Variants in ATP6V1H observed in about 807,000 individuals in gnomAD.
The protein encoded by ATP6V1H is V-type proton ATPase subunit H.
ATP6V1H carries 39 observed loss-of-function variants against 71.7 expected under a neutral mutation model. The ratio of observed to expected loss-of-function variants is 0.54; its 90% CI spans 0.42 to 0.71. The LOEUF is 0.71. Ranked by LOEUF, ATP6V1H falls within the 30% of genes least tolerant of loss-of-function variation. The pLI is 0.00. For synonymous variants in ATP6V1H, 192 were observed against 199.3 expected, an observed-to-expected ratio of 0.96 and a Z score of 0.31; for missense variants, 509 against 594.9, an observed-to-expected ratio of 0.86 and a Z score of 1.50.
At chr8:53,832,823 GAAAA>G in intron 3 of ATP6V1H, 157 bp downstream of exon 3, 1 of 449,508 alleles carries the variant, frequency 2.2e-6, no homozygotes. Context: ...TATATTCTAA[GAAAA>G]TATTCAGAAA....
intron 4 of ATP6V1H, among the ~76,000 whole-genome samples, chr8:53,820,624 G>A (rs1426126058): frequency 1.9e-4 from 29 of 149,568 alleles, no homozygotes; most frequent in African/African-American, 4.2e-4. Context: ...CTATAATGGC[G>A]CCATTGCATT....
At chr8:53,780,639 C>A (rs1232997415) in intron 9 of ATP6V1H, among the ~76,000 whole-genome samples, 1 of 152,022 alleles carries the variant, frequency 6.6e-6, no homozygotes, top group Non-Finnish European at 1.5e-5. Flanking sequence ...GTGCTGCACC[C>A]ATTAACTAGT....
chr8:53,840,085 T>A (rs1489911031), intron 2 of ATP6V1H: 7 of 226,764 alleles, frequency 3.1e-5, no homozygotes, highest in Non-Finnish European at 5.1e-5. Flanking sequence ...ATACCCATCA[T>A]CCTCAAAAAC....
At chr8:53,745,062 T>C (rs754450232) in intron 12 of ATP6V1H, among the ~76,000 whole-genome samples, 17 of 152,252 alleles carry the variant, frequency 1.1e-4, no homozygotes, top group Admixed American at 2.0e-4. Flanking sequence ...ATATGATTTT[T>C]ACTACTTAAA....
intron 11 of ATP6V1H, among the ~76,000 whole-genome samples, chr8:53,765,647 CAG>C (rs1808434342): frequency 6.6e-6 from 1 of 151,952 alleles, no homozygotes; most frequent in Non-Finnish European, 1.5e-5. Flanking sequence ...AACAAATAAA[CAG>C]ATATTCCACG....
rs549951638 is a variant in ATP6V1H, at chr8:53,786,536, C to T, written c.870+9111G>A. On this transcript the variant is annotated intron_variant, in intron 9 of 13. Coordinates refer to ENST00000359530, the MANE Select transcript of ATP6V1H (RefSeq NM_015941.4). Reference sequence around the variant, plus strand: ...TTTGGCTCACGCACTGTGCGCTGCACACACTGTCTGGCACTCCCCAGTGAG... The same window carrying T: ...TTTGGCTCACGCACTGTGCGCTGCATACACTGTCTGGCACTCCCCAGTGAG... 2.2e-3 allele frequency among the ~76,000 whole-genome samples: 337 copies of T among 152,302 alleles called. 2 individuals are homozygous for T. The highest frequency in any genetic ancestry group is 7.8e-3 in the African/African-American group (326 of 41,568).
chr8:53,821,957 A>G (rs750459282), intron 4 of ATP6V1H, among the ~76,000 whole-genome samples: 3 of 152,222 alleles, frequency 2.0e-5, no homozygotes. Flanking sequence ...TCAGAAATTC[A>G]AAACCAAAAC....
At chr8:53,820,345 G>C (rs1344248252) in intron 4 of ATP6V1H, among the ~76,000 whole-genome samples, 1 of 149,932 alleles carries the variant, frequency 6.7e-6, no homozygotes, top group Non-Finnish European at 1.5e-5. Flanking sequence ...GTGGCAAAAA[G>C]AAAAAGGAAC....
intron 12 of ATP6V1H, among the ~76,000 whole-genome samples, chr8:53,745,343 A>G (rs1807560758): frequency 1.3e-5 from 2 of 152,162 alleles, no homozygotes; most frequent in South Asian, 4.1e-4. Flanking sequence ...GGTTACAGTG[A>G]GCTATGATTG....
At chr8:53,783,989 G>A (rs1440474743) in intron 9 of ATP6V1H, among the ~76,000 whole-genome samples, 2 of 152,198 alleles carry the variant, frequency 1.3e-5, no homozygotes, top group Non-Finnish European at 2.9e-5. Flanking sequence ...GAATAGGTGT[G>A]GTGTGGTGCT....
chr8:53,783,926 T>G (rs1218284128), intron 9 of ATP6V1H, among the ~76,000 whole-genome samples: 2 of 152,240 alleles, frequency 1.3e-5, no homozygotes, highest in Non-Finnish European at 2.9e-5. Flanking sequence ...ATAATTTCTG[T>G]TCTCTTACAT....
intron 9 of ATP6V1H, among the ~76,000 whole-genome samples, chr8:53,775,458 T>C (rs1808841537): frequency 6.6e-6 from 1 of 152,222 alleles, no homozygotes; most frequent in South Asian, 2.1e-4. Flanking sequence ...TGGCCTGTTT[T>C]GACAGGGCGC....
At chr8:53,717,225 C>T (rs901559523) in intron 13 of ATP6V1H, among the ~76,000 whole-genome samples, 5 of 152,318 alleles carry the variant, frequency 3.3e-5, no homozygotes, top group African/African-American at 1.2e-4. Flanking sequence ...CTGCTACTGC[C>T]GCCTAGGCCA....
chr8:53,798,619 A>C (rs1380967649), intron 8 of ATP6V1H, among the ~76,000 whole-genome samples: 2 of 151,702 alleles, frequency 1.3e-5, no homozygotes, highest in Admixed American at 1.3e-4. Flanking sequence ...AAACACACAC[A>C]CACACACACA....
intron 12 of ATP6V1H, among the ~76,000 whole-genome samples, chr8:53,744,517 G>T (rs1585737973): frequency 6.6e-6 from 1 of 152,220 alleles, no homozygotes; most frequent in South Asian, 2.1e-4. Flanking sequence ...CTGTCTAGTG[G>T]AGGATACCTA....
chr8:53,733,571 C>T (rs928862559), intron 13 of ATP6V1H, among the ~76,000 whole-genome samples: 3 of 152,212 alleles, frequency 2.0e-5, no homozygotes, highest in Non-Finnish European at 4.4e-5. Context: ...AGCAGGTACA[C>T]TACCTAGGAT....
intron 2 of ATP6V1H, among the ~76,000 whole-genome samples, chr8:53,836,331 C>T (rs927256936): frequency 6.6e-6 from 1 of 152,218 alleles, no homozygotes; most frequent in African/African-American, 2.4e-5. Flanking sequence ...ATGAAGGCTA[C>T]ACTTGGTAAC....
chr8:53,823,176 C>G (rs767648259), intron 4 of ATP6V1H, among the ~76,000 whole-genome samples: 1 of 151,886 alleles, frequency 6.6e-6, no homozygotes, highest in African/African-American at 2.4e-5. Context: ...CAAACTTATA[C>G]CCCTTAAGAA....
Position 53,841,641 on chromosome 8 carries a change from T to C in ATP6V1H, c.50A>G (p.Asn17Ser), listed in dbSNP as rs1413658618. The change falls in exon 2 of 14, where the codon AAT becomes AGT. Residue 17 changes from asparagine (N) to serine (S), a missense_variant. By Grantham distance (46) the Asn-to-Ser change is conservative. This residue lies in a region of ATP6V1H where 297 missense variants were observed against 303.3 expected (regional missense o/e 0.98). Coordinates refer to ENST00000359530, the MANE Select transcript of ATP6V1H (RefSeq NM_015941.4). ...TTCTGCAGCCTTGGCAGCAATAATATTGGTGGGGACAGCAGCATCCACAGC... is the reference window on the plus strand; with the variant it reads ...TTCTGCAGCCTTGGCAGCAATAATACTGGTGGGGACAGCAGCATCCACAGC... ...RGAVDAAVPT[N>S]IIAAKAAEVR... The C allele has an allele frequency of 5.6e-6, 9 of 1,614,168 alleles. No homozygotes were observed. The highest frequency in any genetic ancestry group is 7.6e-6 in the Non-Finnish European group (9 of 1,180,010).
Sources: allele counts gnomAD v4.1 joint callset (sites outside exome capture counted in the v4.1 genomes callset), GRCh38; gene constraint gnomAD v4.1.1; regional missense constraint gnomAD v4.1.1; transcripts MANE v1.5; gene names NCBI Gene and HGNC (gene_info 2026-07-23, HGNC 2026-07-21).